SCYL2: variants seen among roughly 807,000 people sequenced by gnomAD.
The protein encoded by SCYL2 is SCY1 like pseudokinase 2.
SCYL2 carries 36 observed loss-of-function variants against 100.4 expected under a neutral mutation model. That is an observed-to-expected ratio of 0.36 (90% CI 0.27 to 0.47). The LOEUF is 0.47. Among genes scored for constraint, SCYL2 ranks in the 20% least tolerant of loss-of-function variants. SCYL2 has a pLI of 1.00. For synonymous variants in SCYL2, 330 were observed against 359.2 expected, an observed-to-expected ratio of 0.92 and a Z score of 0.92; for missense variants, 902 against 1,083.9, an observed-to-expected ratio of 0.83 and a Z score of 2.36.
rs1409566755 is a variant in SCYL2 at position 100,304,910 on chromosome 12, G to T, written c.481-6134G>T. On this transcript the variant is annotated intron_variant, in intron 4 of 17. Transcript: ENST00000360820. ...CAAAGATCAAAAAAGACAAAGAAGG[G>T]CACTACATAATGGTACAGGGATCAA... 2.6e-5 allele frequency among the ~76,000 whole-genome samples: 4 copies of T among 152,028 alleles called. No homozygotes were observed. The Middle Eastern group carries it at 0.01, about 388-fold the overall frequency.
chr12:100,335,601 T>G, intron 14 of SCYL2, 24 bp from the exon 15 acceptor site: 1 of 1,516,096 alleles, frequency 6.6e-7, no homozygotes, highest in East Asian at 2.3e-5. Context: ...TTTATTGTTT[T>G]ATCATAATTC....
chr12:100,320,603 C>T (rs896126526), intron 10 of SCYL2, among the ~76,000 whole-genome samples: 15 of 143,200 alleles, frequency 1.0e-4, no homozygotes, highest in African/African-American at 4.0e-4. Flanking sequence ...TAAAGTTCCT[C>T]ATCCTGTCTC....
intron 10 of SCYL2, 124 bp downstream of exon 10, chr12:100,318,049 T>A: frequency 1.2e-6 from 1 of 844,252 alleles, no homozygotes; most frequent in Non-Finnish European, 1.7e-6. Flanking sequence ...ATATTTATCT[T>A]TTGAATCACA....
intron 4 of SCYL2, among the ~76,000 whole-genome samples, chr12:100,306,997 A>G (rs1021856082): frequency 3.9e-5 from 6 of 152,212 alleles, no homozygotes; most frequent in Non-Finnish European, 8.8e-5. Flanking sequence ...ATAAGAGAGG[A>G]CACAAACAAA....
chr12:100,332,637 G>A (rs1028071616), intron 13 of SCYL2, among the ~76,000 whole-genome samples: 2 of 152,072 alleles, frequency 1.3e-5, no homozygotes, highest in Non-Finnish European at 1.5e-5. Context: ...AGAGTATGAG[G>A]GTGGAAAATG....
At chr12:100,279,290 C>T (rs1308017984) in intron 1 of SCYL2, among the ~76,000 whole-genome samples, 1 of 152,196 alleles carries the variant, frequency 6.6e-6, no homozygotes, top group East Asian at 1.9e-4. Flanking sequence ...GGTTCAGGCT[C>T]CTTTGAGAAT....
At chr12:100,337,951 G>A (rs1342887160) in intron 17 of SCYL2, among the ~76,000 whole-genome samples, 1 of 152,200 alleles carries the variant, frequency 6.6e-6, no homozygotes, top group Admixed American at 6.5e-5. Flanking sequence ...TCCAGGCACT[G>A]TTCCAGGTAT....
At chr12:100,291,824 A>G in intron 3 of SCYL2, 164 bp downstream of exon 3, 4 of 607,760 alleles carry the variant, frequency 6.6e-6, no homozygotes, top group East Asian at 3.2e-5. Flanking sequence ...TGCATTGTCT[A>G]CGTATATGTC....
At chr12:100,316,549 G>T (rs2096348969) in intron 9 of SCYL2, among the ~76,000 whole-genome samples, 1 of 152,188 alleles carries the variant, frequency 6.6e-6, no homozygotes. Context: ...ATGATTCTTT[G>T]TAGTCCTTCC....
intron 8 of SCYL2, 120 bp from the exon 9 acceptor site, chr12:100,315,438 C>T (rs2096347371): frequency 1.3e-6 from 1 of 743,734 alleles, no homozygotes. Context: ...CCAGTTTCAA[C>T]CATAAATTGT....
rs1053567826 is a variant in SCYL2 at position 100,337,312 on chromosome 12, C to T, written c.2026-75C>T. On this transcript the variant is annotated intron_variant, in intron 16 of 17. Coordinates refer to ENST00000360820, the MANE Select transcript of SCYL2 (RefSeq NM_017988.6). ...GTGAAGTAGTAAGATGTACTTTACC[C>T]GAAGAGATTATCTTTTGTTTTACAA... The T allele has an allele frequency of 3.1e-5, 48 of 1,572,078 alleles. No homozygotes were observed. The East Asian group carries it at 4.5e-4, about 15-fold the overall frequency.
chr12:100,274,397 C>G (rs1161156833), intron 1 of SCYL2, among the ~76,000 whole-genome samples: 1 of 152,100 alleles, frequency 6.6e-6, no homozygotes, highest in African/African-American at 2.4e-5. Context: ...TTATCAAAAC[C>G]TTGGAGTTTA....
intron 2 of SCYL2, among the ~76,000 whole-genome samples, chr12:100,285,628 T>C (rs570727468): frequency 3.7e-4 from 56 of 152,334 alleles, no homozygotes; most frequent in African/African-American, 1.3e-3. Context: ...TTCAGTGAAA[T>C]ATTCCCTGCT....
At chr12:100,325,389 T>G (rs960665518) in intron 11 of SCYL2, among the ~76,000 whole-genome samples, 1 of 152,232 alleles carries the variant, frequency 6.6e-6, no homozygotes, top group African/African-American at 2.4e-5. Flanking sequence ...TACAAGAAGT[T>G]ATAATGAATG....
In SCYL2 at chr12:100,335,673, T is replaced by TA; in HGVS notation, c.1912dup (p.Thr638AsnfsTer9). On this transcript the variant is annotated frameshift_variant, in exon 15 of 18. Transcript: ENST00000360820. LOFTEE classifies it high-confidence loss of function. ...TGAATGTTTCTGAGGAGATGAAAGTTACAAATATTGGGAATCAGGTAAGAA... is the reference window on the plus strand; with the variant it reads ...TGAATGTTTCTGAGGAGATGAAAGTTAACAAATATTGGGAATCAGGTAAGAA... 1 of 1,611,370 alleles carries TA rather than the reference T, an allele frequency of 6.2e-7. No individual in the cohort carries two copies.
At chr12:100,309,094 G>T (rs1440628427) in intron 4 of SCYL2, among the ~76,000 whole-genome samples, 1 of 146,150 alleles carries the variant, frequency 6.8e-6, no homozygotes, top group Admixed American at 6.9e-5. Flanking sequence ...CCTGATTTTT[G>T]GGTATTTTGA....
chr12:100,311,924 A>G (rs1164952779), intron 5 of SCYL2, among the ~76,000 whole-genome samples: 1 of 152,162 alleles, frequency 6.6e-6, no homozygotes, highest in East Asian at 1.9e-4. Flanking sequence ...GATTTGACCT[A>G]AGATTTGTAA....
chr12:100,327,535 G>A (rs563118049), intron 12 of SCYL2, among the ~76,000 whole-genome samples: 11 of 148,014 alleles, frequency 7.4e-5, no homozygotes, highest in Non-Finnish European at 1.3e-4. Flanking sequence ...TTTTTTTTGA[G>A]ATGGAGTCTC....
intron 3 of SCYL2, among the ~76,000 whole-genome samples, chr12:100,293,324 CTA>C (rs1172534957): frequency 6.6e-6 from 1 of 152,044 alleles, no homozygotes; most frequent in Non-Finnish European, 1.5e-5. Flanking sequence ...ACCCAGAACA[CTA>C]TAGTTTCTGT....
Sources: allele counts gnomAD v4.1 joint callset (sites outside exome capture counted in the v4.1 genomes callset), GRCh38; gene constraint gnomAD v4.1.1; transcripts MANE v1.5; gene names NCBI Gene and HGNC (gene_info 2026-07-23, HGNC 2026-07-21).